DLG2: variants seen among roughly 807,000 people sequenced by gnomAD.
DLG2 encodes the protein discs large MAGUK scaffold protein 2.
In DLG2, 45 loss-of-function variants were observed where a neutral mutation model predicts 132.5. That is an observed-to-expected ratio of 0.34 (90% CI 0.27 to 0.44). DLG2 has a LOEUF of 0.44. Among genes scored for constraint, DLG2 ranks in the 20% least tolerant of loss-of-function variants. DLG2 has a pLI of 1.00. For synonymous variants in DLG2, 424 were observed against 419.6 expected (o/e 1.01, Z -0.13); for missense variants, 1,045 against 1,196.9 (o/e 0.87, Z 1.87).
At chr11:83,663,334 G>C (rs1444929625) in intron 18 of DLG2, among the ~76,000 whole-genome samples, 1 of 152,038 alleles carries the variant, frequency 6.6e-6, no homozygotes, top group Non-Finnish European at 1.5e-5. Flanking sequence ...GCTCACAGTG[G>C]GTATAATATA....
intron 7 of DLG2, among the ~76,000 whole-genome samples, chr11:84,391,898 C>T (rs2098793813): frequency 6.6e-6 from 1 of 151,884 alleles, no homozygotes; most frequent in Non-Finnish European, 1.5e-5. Flanking sequence ...CAAAGAGAAC[C>T]ATAAGTGCCA....
At chr11:83,514,600 C>T (rs1592233143) in intron 21 of DLG2, among the ~76,000 whole-genome samples, 1 of 152,270 alleles carries the variant, frequency 6.6e-6, no homozygotes. Flanking sequence ...ACATCCCTGT[C>T]TTGTGCCAGT....
intron 7 of DLG2, among the ~76,000 whole-genome samples, chr11:84,381,113 C>T (rs570797734): frequency 5.3e-5 from 8 of 151,832 alleles, no homozygotes; most frequent in African/African-American, 1.9e-4. Flanking sequence ...CTTTTCTCTA[C>T]CAAATTTGAA....
chr11:85,235,166 T>G (rs1004070686), intron 4 of DLG2, among the ~76,000 whole-genome samples: 42 of 152,130 alleles, frequency 2.8e-4, no homozygotes, highest in Non-Finnish European at 2.8e-4. Context: ...AAGAGAACAT[T>G]TTAAAATACT....
chr11:83,600,700 C>T (rs78027626), intron 19 of DLG2, among the ~76,000 whole-genome samples: 2,661 of 152,340 alleles, frequency 0.017, 69 homozygotes, highest in African/African-American at 0.061. Flanking sequence ...CAATGACTAT[C>T]TCTGAAAACT....
In DLG2 at chr11:84,515,315, A is replaced by ACC. The variant is rs58352130; in HGVS notation, c.519+19253_519+19254dup. 4.6e-3 allele frequency among the ~76,000 whole-genome samples: 606 copies of ACC among 131,582 alleles called. 5 individuals carry two copies. Among genetic ancestry groups the ACC allele is most frequent in the African/African-American group, 0.013 (485 of 36,774 alleles). The allele number at this position is 131,582 out of a possible 152,430, so 86.3% of individuals were successfully genotyped here. ...CACACACACACACACACACACACAC[A>ACC]CCCCAAATATATGCAGCCTACGAAA... On this transcript the variant is annotated intron_variant, in intron 7 of 27. Coordinates refer to ENST00000376104, the MANE Select transcript of DLG2 (RefSeq NM_001142699.3).
intron 7 of DLG2, among the ~76,000 whole-genome samples, chr11:84,372,590 C>T (rs1285324666): frequency 6.6e-6 from 1 of 152,146 alleles, no homozygotes; most frequent in Non-Finnish European, 1.5e-5. Context: ...GGAATTGATT[C>T]TTTCCAGATG....
At chr11:84,756,179 T>C (rs1283910881) in intron 6 of DLG2, among the ~76,000 whole-genome samples, 7 of 152,244 alleles carry the variant, frequency 4.6e-5, no homozygotes. Context: ...ATAATTATAA[T>C]TAAAGAATAC....
intron 6 of DLG2, among the ~76,000 whole-genome samples, chr11:84,705,069 G>A (rs2059645163): frequency 6.6e-6 from 1 of 151,620 alleles, no homozygotes; most frequent in Non-Finnish European, 1.5e-5. Context: ...CTTAGCAACA[G>A]TCTTTAGCAG....
At chr11:83,781,055 G>T (rs1170673941) in intron 18 of DLG2, among the ~76,000 whole-genome samples, 2 of 152,100 alleles carry the variant, frequency 1.3e-5, no homozygotes, top group Admixed American at 6.5e-5. Context: ...TTCTAAGAAG[G>T]CTCTCATTTA....
intron 10 of DLG2, among the ~76,000 whole-genome samples, chr11:84,092,555 G>A (rs2097108038): frequency 6.6e-6 from 1 of 152,124 alleles, no homozygotes; most frequent in Non-Finnish European, 1.5e-5. Flanking sequence ...ATGAGAAGTT[G>A]TTCTTTCAGG....
intron 21 of DLG2, among the ~76,000 whole-genome samples, chr11:83,493,550 TCAATAAATATTTGTTGAATGAATAC>T (rs1235761539): frequency 2.6e-5 from 4 of 152,158 alleles, no homozygotes; most frequent in Non-Finnish European, 5.9e-5. Flanking sequence ...TAGTATATAC[TCAATAAATATTTGTTGAATGAATAC>T]ATGCTCCAAC....
intron 7 of DLG2, among the ~76,000 whole-genome samples, chr11:84,489,475 C>T (rs1162238042): frequency 6.6e-6 from 1 of 152,102 alleles, no homozygotes; most frequent in Non-Finnish European, 1.5e-5. Context: ...CCTTAGGACT[C>T]AAAAATATCC....
At chr11:83,463,526 C>T (rs1011288966) in intron 26 of DLG2, among the ~76,000 whole-genome samples, 3 of 152,304 alleles carry the variant, frequency 2.0e-5, no homozygotes, top group East Asian at 1.9e-4. Context: ...CAGTGGTTCA[C>T]GTCTGTAATC....
intron 6 of DLG2, among the ~76,000 whole-genome samples, chr11:84,802,349 TG>T (rs1199386357): frequency 6.6e-6 from 1 of 151,852 alleles, no homozygotes; most frequent in African/African-American, 2.4e-5. Context: ...CAAGGAATAA[TG>T]AAGCACTCCG....
Position 83,857,307 on chromosome 11 carries a change from T to C in DLG2, c.1565+17113A>G, listed in dbSNP as rs1038271739. ...ATTGTTTTGGTTATTAAGGATCCTT[T>C]TTGGTTCCATATGATTTTAAAATAG... On this transcript the variant is annotated intron_variant, in intron 16 of 27. Coordinates refer to ENST00000376104, the MANE Select transcript of DLG2 (RefSeq NM_001142699.3). Among the ~76,000 whole-genome samples, 8 of 152,322 alleles carry C rather than the reference T, an allele frequency of 5.3e-5. No homozygotes were observed. The East Asian group carries it at 1.5e-3, about 29-fold the overall frequency.
At chr11:84,046,395 A>T (rs1392266009) in intron 11 of DLG2, among the ~76,000 whole-genome samples, 2 of 151,538 alleles carry the variant, frequency 1.3e-5, no homozygotes, top group East Asian at 3.9e-4. Flanking sequence ...TACCACATTC[A>T]GTTGATTCAA....
At chr11:83,902,022 AT>A (rs138423997) in intron 15 of DLG2, among the ~76,000 whole-genome samples, 14,692 of 151,634 alleles carry the variant, frequency 0.097, 838 homozygotes, top group Middle Eastern at 0.2. Context: ...TATTCAAGGT[AT>A]TTTTTTTTCT....
intron 6 of DLG2, among the ~76,000 whole-genome samples, chr11:84,981,127 T>C (rs1409599352): frequency 1.3e-5 from 2 of 152,156 alleles, no homozygotes; most frequent in Non-Finnish European, 2.9e-5. Flanking sequence ...AATATATTGG[T>C]TGAATTAGTG....
Sources: gnomAD v4.1 joint callset for allele counts (sites outside exome capture counted in the v4.1 genomes callset) on GRCh38, gnomAD v4.1.1 for gene constraint, MANE v1.5 for transcripts, NCBI Gene and HGNC (gene_info 2026-07-23, HGNC 2026-07-21) for gene names.